PTGER3: variants seen among roughly 807,000 people sequenced by gnomAD.
The protein encoded by PTGER3 is prostaglandin E2 receptor EP3 subtype.
In PTGER3, 22 loss-of-function variants were observed where a neutral mutation model predicts 34.7. That is an observed-to-expected ratio of 0.63 (90% CI 0.45 to 0.91). The LOEUF (loss-of-function observed/expected upper bound fraction) is 0.91. Among genes scored for constraint, PTGER3 ranks in the 40% least tolerant of loss-of-function variants. PTGER3 has a pLI of 0.00. For synonymous variants in PTGER3, 241 were observed against 230.1 expected, an observed-to-expected ratio of 1.05 and a Z score of -0.43; for missense variants, 468 against 519.4, an observed-to-expected ratio of 0.90 and a Z score of 0.96.
At chr1:70,993,929 T>C (rs1013542054) in intron 2 of PTGER3, among the ~76,000 whole-genome samples, 3 of 152,150 alleles carry the variant, frequency 2.0e-5, no homozygotes, top group Admixed American at 6.5e-5. Flanking sequence ...GGTCAGAAGT[T>C]TTCTTCAAAG....
At chr1:71,001,213 A>C (rs1656454611) in intron 2 of PTGER3, among the ~76,000 whole-genome samples, 1 of 152,166 alleles carries the variant, frequency 6.6e-6, no homozygotes, top group African/African-American at 2.4e-5. Context: ...GAAAAGAAAT[A>C]CACATTTGAG....
chr1:70,984,722 G>A (rs1654742237), intron 2 of PTGER3, among the ~76,000 whole-genome samples: 1 of 151,918 alleles, frequency 6.6e-6, no homozygotes, highest in Non-Finnish European at 1.5e-5. Flanking sequence ...GTGAGACCCT[G>A]TCTCTAGAAA....
At chr1:70,894,165 CG>C (rs1646676073) in intron 4 of PTGER3, among the ~76,000 whole-genome samples, 5 of 151,736 alleles carry the variant, frequency 3.3e-5, no homozygotes. Flanking sequence ...AAAAATTAGC[CG>C]GGCGTGGTGG....
intron 1 of PTGER3, among the ~76,000 whole-genome samples, chr1:71,014,318 G>T (rs1657701388): frequency 6.6e-6 from 1 of 152,108 alleles, no homozygotes; most frequent in Admixed American, 6.5e-5. Flanking sequence ...CACTCACCCT[G>T]GATCAACATT....
intron 4 of PTGER3, among the ~76,000 whole-genome samples, chr1:70,947,193 G>A (rs1465878232): frequency 3.3e-5 from 5 of 152,112 alleles, no homozygotes; most frequent in Non-Finnish European, 7.4e-5. Context: ...TTAAGCTAAA[G>A]TAGGTGATAC....
At chr1:70,975,130 T>C (rs758220549) in intron 2 of PTGER3, among the ~76,000 whole-genome samples, 9 of 152,200 alleles carry the variant, frequency 5.9e-5, no homozygotes, top group South Asian at 4.1e-4. Context: ...TATTTATTGA[T>C]GTGTCATTGT....
chr1:71,001,861 T>C (rs1656524091), intron 2 of PTGER3, among the ~76,000 whole-genome samples: 1 of 152,216 alleles, frequency 6.6e-6, no homozygotes, highest in Non-Finnish European at 1.5e-5. Context: ...CTGGGAAGTC[T>C]GTAGTAAACA....
exon 4 of PTGER3, chr1:70,952,714 A>T (rs1194489846): frequency 8.0e-7 from 1 of 1,244,468 alleles, no homozygotes; most frequent in Non-Finnish European, 1.0e-6. Flanking sequence ...TCGAGTGACC[A>T]ACCAGTTTGT....
At chr1:70,994,745 T>G (rs1429150409) in intron 2 of PTGER3, among the ~76,000 whole-genome samples, 2 of 152,186 alleles carry the variant, frequency 1.3e-5, no homozygotes, top group African/African-American at 4.8e-5. Flanking sequence ...CGTGAGCCAT[T>G]GCGACCAGCC....
intron 4 of PTGER3, among the ~76,000 whole-genome samples, chr1:70,858,433 A>G (rs1185438201): frequency 6.6e-6 from 1 of 152,156 alleles, no homozygotes; most frequent in Non-Finnish European, 1.5e-5. Context: ...TTCTGTTGGT[A>G]TAGTTTTCCT....
At chr1:71,020,694 C>CAG (rs1044789988) in intron 1 of PTGER3, among the ~76,000 whole-genome samples, 278 of 126,486 alleles carry the variant, frequency 2.2e-3, no homozygotes, top group African/African-American at 7.8e-3. Flanking sequence ...TGTATGTTAG[C>CAG]AGAGTGTGTG....
At chr1:70,898,442 G>T (rs1646769004) in intron 4 of PTGER3, among the ~76,000 whole-genome samples, 1 of 152,092 alleles carries the variant, frequency 6.6e-6, no homozygotes, top group Non-Finnish European at 1.5e-5. Context: ...GCTCCTCTAA[G>T]ACTTCATTAT....
intron 2 of PTGER3, among the ~76,000 whole-genome samples, chr1:70,965,335 T>C (rs1188046111): frequency 6.6e-6 from 1 of 151,922 alleles, no homozygotes. Context: ...GTGTGGAAAA[T>C]GGATGGAGGG....
rs74760954 is a variant in PTGER3, at chr1:71,005,261, G to A, written c.1077+7044C>T. ...TTTGATGACCCTGAGAGGTTATATA[G>A]AAAGGATCTATGTAGAGCCACACTA... On this transcript the variant is annotated intron_variant, in intron 2 of 3. Transcript: ENST00000306666. Among the ~76,000 whole-genome samples the A allele has an allele frequency of 1.4e-3, 209 of 152,244 alleles. 4 individuals are homozygous for A. In the East Asian group the frequency reaches 0.031, roughly 23 times the overall value.
chr1:71,031,321 A>G (rs1472096620), intron 1 of PTGER3, among the ~76,000 whole-genome samples: 2 of 151,952 alleles, frequency 1.3e-5, no homozygotes, highest in Non-Finnish European at 2.9e-5. Context: ...AGGCTTCAAA[A>G]GTATGTTACT....
intron 4 of PTGER3, among the ~76,000 whole-genome samples, chr1:70,925,112 C>A (rs923962981): frequency 6.6e-6 from 1 of 152,166 alleles, no homozygotes; most frequent in African/African-American, 2.4e-5. Context: ...TCAAGCGATT[C>A]TCCTTCCTCA....
intron 3 of PTGER3, among the ~76,000 whole-genome samples, chr1:70,973,548 G>A (rs942294230): frequency 3.9e-5 from 6 of 152,050 alleles, no homozygotes; most frequent in Non-Finnish European, 7.4e-5. Flanking sequence ...AACTTGTACC[G>A]AGCAGAGGGG....
chr1:70,912,806 A>G (rs1005853817), intron 4 of PTGER3, among the ~76,000 whole-genome samples: 11 of 152,068 alleles, frequency 7.2e-5, no homozygotes, highest in African/African-American at 2.7e-4. Context: ...TCAGTTGACC[A>G]TATAAATGTG....
intron 1 of PTGER3, among the ~76,000 whole-genome samples, chr1:71,032,573 G>GT (rs576536057): frequency 1.8e-3 from 277 of 152,294 alleles, no homozygotes; most frequent in African/African-American, 6.4e-3. Flanking sequence ...GCTTAGGCTG[G>GT]TTCCTTAGGA....
Sources: gnomAD v4.1 joint callset for allele counts (sites outside exome capture counted in the v4.1 genomes callset) on GRCh38, gnomAD v4.1.1 for gene constraint, MANE v1.5 for transcripts, NCBI Gene and HGNC (gene_info 2026-07-23, HGNC 2026-07-21) for gene names.